Variants in SEC23B observed in about 807,000 individuals in gnomAD.
The protein encoded by SEC23B is protein transport protein Sec23B.
Under a neutral mutation model 104.3 loss-of-function variants are expected in SEC23B, and 77 were observed. The ratio of observed to expected loss-of-function variants is 0.74; its 90% CI spans 0.61 to 0.89. The LOEUF is 0.89. Ranked by LOEUF, SEC23B falls within the 40% of genes least tolerant of loss-of-function variation. The pLI is 0.00. For missense variants in SEC23B, 885 were observed against 949.4 expected (o/e 0.93, Z 0.89); for synonymous variants, 338 against 332.5 (o/e 1.02, Z -0.18).
Position 18,524,973 on chromosome 20 carries a change from G to T in SEC23B, c.642G>T (p.Gln214His), listed in dbSNP as rs1171182181. 6.2e-7 allele frequency: 1 copy of T among 1,613,954 alleles called. No individual in the cohort carries two copies. The highest frequency in any genetic ancestry group is 1.1e-5 in the South Asian group (1 of 91,074). The part of the protein sequence containing the change: ...LGLTKPAMPM[Q>H]QARPAQPQEH... ...TGACCAAGCCAGCCATGCCCATGCA[G>T]CAAGCACGACCTGCACAACCACAGG... The change falls in exon 6 of 20, where the codon CAG (glutamine) becomes CAT (histidine). Residue 214 changes from glutamine to histidine, a missense_variant. Physicochemically the swap from Gln to His is conservative, Grantham distance 24 (BLOSUM62 0). Transcript: ENST00000650089.
intron 13 of SEC23B, among the ~76,000 whole-genome samples, 153 bp from the exon 14 acceptor site, chr20:18,542,866 T>G (rs1171627500): frequency 3.3e-5 from 5 of 152,212 alleles, no homozygotes; most frequent in Admixed American, 2.0e-4. Context: ...CTTGAACTTC[T>G]AGGCTCAAGC....
chr20:18,555,801 A>G (rs993623049), intron 19 of SEC23B, among the ~76,000 whole-genome samples: 1 of 152,092 alleles, frequency 6.6e-6, no homozygotes, highest in African/African-American at 2.4e-5. Flanking sequence ...CAGTATCACA[A>G]CCGGGATATT....
Position 18,511,145 on chromosome 20 carries a change from A to G in SEC23B, c.221+89A>G. The stretch of plus-strand genomic sequence containing the variant: ...CTCATAAAAGTCATTAAATTTGGGC[A>G]GGTCATCAAATTTGTGATAAGTAGT... On this transcript the variant is annotated intron_variant, in intron 2 of 19. Transcript: ENST00000650089. 3.6e-6 allele frequency: 4 copies of G among 1,111,210 alleles called. No individual in the cohort carries two copies. The East Asian group carries it at 7.3e-5, about 20-fold the overall frequency. The allele number at this position is 1,111,210 out of a possible 1,614,324, so 68.8% of individuals were successfully genotyped here.
At chr20:18,510,120 G>C (rs1050974534) in intron 1 of SEC23B, among the ~76,000 whole-genome samples, 2 of 152,200 alleles carry the variant, frequency 1.3e-5, no homozygotes, top group African/African-American at 4.8e-5. Context: ...CACTTGGAAT[G>C]TAAAATTTAA....
At chr20:18,557,926 T>G (rs907995658) in intron 19 of SEC23B, among the ~76,000 whole-genome samples, 2 of 151,836 alleles carry the variant, frequency 1.3e-5, no homozygotes, top group African/African-American at 4.8e-5. Context: ...TAATTTTGTA[T>G]TTTTAGTAGA....
chr20:18,520,128 G>C (rs34880675), intron 4 of SEC23B, among the ~76,000 whole-genome samples: 19,037 of 152,110 alleles, frequency 0.13, 1,297 homozygotes, highest in Admixed American at 0.18. Context: ...AGGTATTGAG[G>C]ATAGGAGAGT....
chr20:18,548,032 A>G (rs985935613), intron 15 of SEC23B, among the ~76,000 whole-genome samples: 9 of 151,600 alleles, frequency 5.9e-5, no homozygotes, highest in Admixed American at 5.9e-4. Flanking sequence ...GCTCACCGCA[A>G]CCTCCCCCTA....
chr20:18,536,275 C>T (rs2060230129), intron 12 of SEC23B, among the ~76,000 whole-genome samples: 2 of 152,140 alleles, frequency 1.3e-5, no homozygotes, highest in South Asian at 4.1e-4. Context: ...TATGTTTGCA[C>T]TATAGTATGT....
At chr20:18,555,924 G>A (rs780341911) in intron 19 of SEC23B, among the ~76,000 whole-genome samples, 4 of 151,688 alleles carry the variant, frequency 2.6e-5, no homozygotes, top group Non-Finnish European at 4.4e-5. Flanking sequence ...TCACCATAAT[G>A]TAGAATCAGT....
chr20:18,550,819 T>G (rs2060380585), intron 16 of SEC23B, among the ~76,000 whole-genome samples: 3 of 97,082 alleles, frequency 3.1e-5, no homozygotes, highest in Non-Finnish European at 7.9e-5. Flanking sequence ...AGCAACACCC[T>G]GACTCTTAAA....
chr20:18,554,470 T>A (rs2060417462), intron 18 of SEC23B, 80 bp downstream of exon 18: 1 of 1,502,492 alleles, frequency 6.7e-7, no homozygotes, highest in Admixed American at 1.7e-5. Context: ...AACAGGATGG[T>A]TAATATTTTA....
At chr20:18,521,363 T>C (rs1189971364) in intron 4 of SEC23B, among the ~76,000 whole-genome samples, 8 of 152,118 alleles carry the variant, frequency 5.3e-5, no homozygotes, top group Non-Finnish European at 7.4e-5. Flanking sequence ...TCTGGGGGCC[T>C]TCCTCTGGGG....
intron 4 of SEC23B, among the ~76,000 whole-genome samples, chr20:18,523,009 G>A (rs1003858529): frequency 1.1e-4 from 16 of 151,998 alleles, no homozygotes; most frequent in African/African-American, 3.6e-4. Flanking sequence ...GGAACTTGCA[G>A]TGAGCCGAGA....
At chr20:18,511,146 G>C in intron 2 of SEC23B, 90 bp downstream of exon 2, 4 of 1,105,724 alleles carry the variant, frequency 3.6e-6, no homozygotes, top group Non-Finnish European at 5.5e-6. Flanking sequence ...AATTTGGGCA[G>C]GTCATCAAAT....
intron 4 of SEC23B, among the ~76,000 whole-genome samples, chr20:18,521,724 T>C (rs976037872): frequency 6.6e-6 from 1 of 151,402 alleles, no homozygotes; most frequent in African/African-American, 2.4e-5. Context: ...GTCAGATGAG[T>C]CCGTAGAAAA....
chr20:18,550,943 A>G (rs2060381806), intron 16 of SEC23B, 146 bp from the exon 17 acceptor site: 1 of 685,210 alleles, frequency 1.5e-6, no homozygotes, highest in East Asian at 2.7e-5. Flanking sequence ...TATGTCAGGA[A>G]GAAAAGGGGT....
chr20:18,526,925 CA>C (rs989028800), intron 8 of SEC23B, among the ~76,000 whole-genome samples: 2 of 152,018 alleles, frequency 1.3e-5, no homozygotes, highest in African/African-American at 4.8e-5. Context: ...ACTAAAAATA[CA>C]AAATTTAAGC....
chr20:18,510,099 GAAA>G (rs199991938), intron 1 of SEC23B, among the ~76,000 whole-genome samples: 53 of 150,898 alleles, frequency 3.5e-4, no homozygotes, highest in Middle Eastern at 3.4e-3. Context: ...CCCCGCTACT[GAAA>G]AAAAAATCAC....
At chr20:18,510,695 G>A in intron 1 of SEC23B, 127 bp from the exon 2 acceptor site, 1 of 735,294 alleles carries the variant, frequency 1.4e-6, no homozygotes, top group South Asian at 1.6e-5. Context: ...GAACCCGGGA[G>A]GTGGAGGCTG....
Sources: gnomAD v4.1 joint callset for allele counts (sites outside exome capture counted in the v4.1 genomes callset) on GRCh38, gnomAD v4.1.1 for gene constraint, MANE v1.5 for transcripts, NCBI Gene and HGNC (gene_info 2026-07-23, HGNC 2026-07-21) for gene names.